Variants in SAMD3 observed in about 807,000 individuals in gnomAD.
SAMD3 encodes the protein sterile alpha motif domain-containing protein 3.
SAMD3 carries 63 observed loss-of-function variants against 58.5 expected under a neutral mutation model. The ratio of observed to expected loss-of-function variants is 1.08; its 90% CI spans 0.88 to 1.33. SAMD3 has a LOEUF of 1.33. SAMD3 is among the 40% of genes most tolerant of loss of function. The pLI is 0.00. For missense variants in SAMD3, 604 were observed against 608.4 expected, an observed-to-expected ratio of 0.99 and a Z score of 0.08; for synonymous variants, 220 against 210.3, an observed-to-expected ratio of 1.05 and a Z score of -0.40.
intron 2 of SAMD3, among the ~76,000 whole-genome samples, chr6:130,243,492 A>G (rs1308606764): frequency 6.6e-6 from 1 of 152,202 alleles, no homozygotes; most frequent in Non-Finnish European, 1.5e-5. Context: ...TTCCTCAAAT[A>G]TTATTTCACT....
intron 2 of SAMD3, among the ~76,000 whole-genome samples, chr6:130,310,284 A>C (rs956222132): frequency 1.3e-5 from 2 of 152,182 alleles, no homozygotes; most frequent in African/African-American, 4.8e-5. Context: ...GTAATCCTAT[A>C]CTGCATTGCC....
intron 5 of SAMD3, among the ~76,000 whole-genome samples, chr6:130,208,510 C>T (rs1226578311): frequency 6.6e-6 from 1 of 152,128 alleles, no homozygotes; most frequent in Non-Finnish European, 1.5e-5. Context: ...ACCACCTGAG[C>T]TCCGCCTCCT....
chr6:130,283,564 G>GA (rs375424571), intron 2 of SAMD3, among the ~76,000 whole-genome samples: 249 of 152,094 alleles, frequency 1.6e-3, no homozygotes, highest in African/African-American at 5.8e-3. Context: ...TTAATAGCAA[G>GA]AAAAAAGGCT....
At chr6:130,253,752 T>TTC (rs1307666876) in intron 2 of SAMD3, among the ~76,000 whole-genome samples, 1 of 151,944 alleles carries the variant, frequency 6.6e-6, no homozygotes, top group Non-Finnish European at 1.5e-5. Flanking sequence ...ATTATTATTT[T>TTC]TTTTTGGTGG....
chr6:130,292,706 C>T (rs996102564), intron 2 of SAMD3, among the ~76,000 whole-genome samples: 1 of 151,958 alleles, frequency 6.6e-6, no homozygotes, highest in Non-Finnish European at 1.5e-5. Flanking sequence ...GCAAGCTCCA[C>T]CTCCCAGGTT....
intron 1 of SAMD3, among the ~76,000 whole-genome samples, chr6:130,362,749 T>G (rs1406662803): frequency 6.6e-6 from 1 of 152,190 alleles, no homozygotes; most frequent in Non-Finnish European, 1.5e-5. Context: ...CGTATCAGCC[T>G]CAACATTATA....
At chr6:130,202,507 G>A (rs919507095) in intron 5 of SAMD3, among the ~76,000 whole-genome samples, 1 of 152,136 alleles carries the variant, frequency 6.6e-6, no homozygotes, top group South Asian at 2.1e-4. Flanking sequence ...CACGTAGTAA[G>A]CACTCAGTAA....
intron 4 of SAMD3, among the ~76,000 whole-genome samples, chr6:130,210,435 C>T (rs1236133279): frequency 6.6e-6 from 1 of 151,794 alleles, no homozygotes; most frequent in Non-Finnish European, 1.5e-5. Flanking sequence ...CCTGTCTTTA[C>T]TGAAAACACA....
chr6:130,290,731 T>C (rs1775334946), intron 2 of SAMD3, among the ~76,000 whole-genome samples: 2 of 152,178 alleles, frequency 1.3e-5, no homozygotes, highest in Admixed American at 1.3e-4. Flanking sequence ...AGAGCTGTTG[T>C]GAGATTCAAT....
intron 2 of SAMD3, among the ~76,000 whole-genome samples, chr6:130,256,545 C>G (rs1773933275): frequency 6.6e-6 from 1 of 152,008 alleles, no homozygotes; most frequent in African/African-American, 2.4e-5. Context: ...TTCTTTTGCT[C>G]AGAGGTCTCT....
intron 2 of SAMD3, among the ~76,000 whole-genome samples, chr6:130,308,405 A>ATTCT (rs1562513144): frequency 2.1e-3 from 269 of 126,238 alleles, no homozygotes; most frequent in African/African-American, 4.8e-3. Flanking sequence ...ATTCTATTCT[A>ATTCT]TTCTATTCTA....
chr6:130,191,662 T>C (rs2114740050), intron 5 of SAMD3, among the ~76,000 whole-genome samples: 1 of 152,052 alleles, frequency 6.6e-6, no homozygotes, highest in African/African-American at 2.4e-5. Flanking sequence ...TTTCTCGCTT[T>C]GTTGAAATTG....
At chr6:130,299,690 T>C (rs1048868922) in intron 2 of SAMD3, among the ~76,000 whole-genome samples, 15 of 152,104 alleles carry the variant, frequency 9.9e-5, no homozygotes, top group African/African-American at 3.4e-4. Flanking sequence ...TTTGAAAGGA[T>C]AAACAAAATT....
At chr6:130,197,770 C>G in intron 5 of SAMD3, among the ~76,000 whole-genome samples, 1 of 152,150 alleles carries the variant, frequency 6.6e-6, no homozygotes, top group Non-Finnish European at 1.5e-5. Context: ...TGTCCGAACA[C>G]TTTACCACTA....
intron 8 of SAMD3, among the ~76,000 whole-genome samples, chr6:130,174,053 A>C (rs1373212875): frequency 6.6e-6 from 1 of 152,148 alleles, no homozygotes; most frequent in African/African-American, 2.4e-5. Context: ...TCCCAGGTCA[A>C]CTTCAGACTG....
chr6:130,172,800 T>C (rs1791368263), intron 8 of SAMD3, among the ~76,000 whole-genome samples: 2 of 152,240 alleles, frequency 1.3e-5, no homozygotes, highest in South Asian at 4.1e-4. Flanking sequence ...AGAAGTGTGT[T>C]TTCCAACTTG....
chr6:130,172,689 T>C (rs1399238802), intron 8 of SAMD3, among the ~76,000 whole-genome samples: 1 of 152,142 alleles, frequency 6.6e-6, no homozygotes, highest in African/African-American at 2.4e-5. Flanking sequence ...GTGTTTTGGG[T>C]TGCTCTTCTT....
intron 2 of SAMD3, among the ~76,000 whole-genome samples, chr6:130,237,368 C>A (rs1254444566): frequency 2.6e-5 from 4 of 152,108 alleles, no homozygotes; most frequent in Non-Finnish European, 5.9e-5. Context: ...TCTTTCCTAG[C>A]TAGTTCTCAT....
At position 130,188,206 on chromosome 6, in the gene SAMD3, A is replaced by T. The variant is rs183587602; in HGVS notation, c.384-3583T>A. 2.6e-5 allele frequency among the ~76,000 whole-genome samples: 4 copies of T among 152,288 alleles called. No homozygotes were observed. In the East Asian group the frequency reaches 7.7e-4, roughly 29 times the overall value. ...CCTGCTTCCAAAGAGCATATGGTAT[A>T]CTCTGATGAGGCTCACACAGGGTAG... On this transcript the variant is annotated intron_variant, in intron 5 of 11. Transcript: ENST00000439090.
Sources: gnomAD v4.1 joint callset for allele counts (sites outside exome capture counted in the v4.1 genomes callset) on GRCh38, gnomAD v4.1.1 for gene constraint, MANE v1.5 for transcripts, NCBI Gene and HGNC (gene_info 2026-07-23, HGNC 2026-07-21) for gene names.